The following SH3KBP1 variants were observed in gnomAD, a reference collection of about 807,000 sequenced individuals.
SH3KBP1 encodes SH3 domain-containing kinase-binding protein 1.
In SH3KBP1, 8 loss-of-function variants were observed where a neutral mutation model predicts 50.1. The ratio of observed to expected loss-of-function variants is 0.16; its 90% CI spans 0.09 to 0.29. The LOEUF is 0.29. Ranked by LOEUF, SH3KBP1 falls within the 10% of genes least tolerant of loss-of-function variation. The pLI is 1.00. For synonymous variants in SH3KBP1, 227 were observed against 218.6 expected, an observed-to-expected ratio of 1.04 and a Z score of -0.34; for missense variants, 377 against 535.2, an observed-to-expected ratio of 0.70 and a Z score of 2.92.
chrX:19,732,452 A>G (rs2064408391), intron 3 of SH3KBP1, among the ~76,000 whole-genome samples: 1 of 110,335 alleles, frequency 9.1e-6, no homozygotes, highest in Admixed American at 9.8e-5. Context: ...CTGTATACAC[A>G]GGTTTGGCAT....
At chrX:19,708,825 T>C (rs182471014) in intron 3 of SH3KBP1, among the ~76,000 whole-genome samples, 2 of 111,447 alleles carry the variant, frequency 1.8e-5, no homozygotes, top group African/African-American at 6.5e-5. Context: ...AATCTGAACA[T>C]GAAACAAGTG....
At chrX:19,687,371 G>A (rs930547355) in intron 5 of SH3KBP1, among the ~76,000 whole-genome samples, 7 of 112,373 alleles carry the variant, frequency 6.2e-5, no homozygotes, top group Admixed American at 9.4e-5. Context: ...GCTCATGCAC[G>A]CATATCACAT....
At chrX:19,729,691 C>T (rs2064316811) in intron 3 of SH3KBP1, among the ~76,000 whole-genome samples, 1 of 111,002 alleles carries the variant, frequency 9.0e-6, no homozygotes, top group South Asian at 3.8e-4. Context: ...AGGGCCCACT[C>T]CAGAATGGGA....
At chrX:19,626,361 A>G (rs775681247) in intron 8 of SH3KBP1, among the ~76,000 whole-genome samples, 2 of 107,865 alleles carry the variant, frequency 1.9e-5, no homozygotes, top group African/African-American at 6.9e-5. Context: ...AGCTCCTGGC[A>G]CACCATAAAT....
intron 8 of SH3KBP1, 46 bp downstream of exon 8, chrX:19,631,818 C>G (rs2061584685): frequency 1.1e-6 from 1 of 899,272 alleles, no homozygotes; most frequent in Non-Finnish European, 1.6e-6. Flanking sequence ...AGTCAACACC[C>G]CAAAGCAGTT....
At chrX:19,763,714 A>C (rs773388022) in intron 2 of SH3KBP1, among the ~76,000 whole-genome samples, 1 of 111,982 alleles carries the variant, frequency 8.9e-6, no homozygotes, top group South Asian at 3.7e-4. Flanking sequence ...CTTCCCACTC[A>C]AAGATTATTT....
intron 2 of SH3KBP1, among the ~76,000 whole-genome samples, chrX:19,818,672 T>C (rs770486872): frequency 8.9e-6 from 1 of 112,193 alleles, no homozygotes; most frequent in African/African-American, 3.2e-5. Context: ...TTGATCTGAT[T>C]ATGCGATTTG....
At chrX:19,879,177 C>T (rs757632006) in intron 1 of SH3KBP1, among the ~76,000 whole-genome samples, 1 of 112,224 alleles carries the variant, frequency 8.9e-6, no homozygotes, top group South Asian at 3.7e-4. Context: ...CCTGGGAGGT[C>T]GAGGCTGCAG....
intron 6 of SH3KBP1, among the ~76,000 whole-genome samples, chrX:19,671,509 T>C (rs1361861965): frequency 6.3e-5 from 7 of 111,146 alleles, no homozygotes; most frequent in Admixed American, 9.6e-5. Context: ...TCCTAACAGG[T>C]TGAAATGAAA....
intron 14 of SH3KBP1, among the ~76,000 whole-genome samples, chrX:19,548,825 A>AGAG (rs1555980606): frequency 9.8e-6 from 1 of 102,471 alleles, no homozygotes; most frequent in Admixed American, 1.1e-4. Flanking sequence ...TATGGAAATA[A>AGAG]AGAGAGAGAG....
chrX:19,738,287 C>T (rs993917912), intron 3 of SH3KBP1, among the ~76,000 whole-genome samples: 1 of 111,189 alleles, frequency 9.0e-6, no homozygotes, highest in East Asian at 2.8e-4. Flanking sequence ...TGTCTCTCCC[C>T]GCATCCCTCC....
intron 3 of SH3KBP1, among the ~76,000 whole-genome samples, chrX:19,745,703 A>G (rs2064899218): frequency 8.9e-6 from 1 of 111,936 alleles, no homozygotes; most frequent in African/African-American, 3.3e-5. Flanking sequence ...GCAGTCTTCT[A>G]TTCTCTCTCA....
rs1159583901 is a variant in SH3KBP1, at chrX:19,710,720, A to G, written c.287-3736T>C. Among the ~76,000 whole-genome samples, 3 of 110,995 alleles carry G rather than the reference A, an allele frequency of 2.7e-5. No homozygotes were observed. The Admixed American group carries it at 2.9e-4, about 11-fold the overall frequency. ...GTATATATAGGACTTGGCACTATTC[A>G]TGGTTTCAGGCATCCACTAGGGGTC... On this transcript the variant is annotated intron_variant, in intron 3 of 17. Transcript: ENST00000397821.
intron 8 of SH3KBP1, among the ~76,000 whole-genome samples, chrX:19,623,035 T>A: frequency 1.3e-5 from 1 of 74,975 alleles, no homozygotes; most frequent in Non-Finnish European, 2.3e-5. Context: ...AGAGTGACAC[T>A]CTGACTCAAA....
intron 6 of SH3KBP1, among the ~76,000 whole-genome samples, chrX:19,675,695 C>T (rs184717657): frequency 8.9e-6 from 1 of 111,971 alleles, no homozygotes; most frequent in East Asian, 2.8e-4. Context: ...CCCGGCCAAC[C>T]ACTATACTCT....
chrX:19,766,811 C>T (rs753498582), intron 2 of SH3KBP1, among the ~76,000 whole-genome samples: 2 of 110,750 alleles, frequency 1.8e-5, no homozygotes, highest in Admixed American at 9.6e-5. Flanking sequence ...TTTTGATGTA[C>T]GGAAGTTTTA....
chrX:19,662,426 C>T (rs1602896825), intron 6 of SH3KBP1, among the ~76,000 whole-genome samples: 1 of 112,034 alleles, frequency 8.9e-6, no homozygotes, highest in East Asian at 2.8e-4. Flanking sequence ...TTCATATATG[C>T]TCAAGGATAA....
chrX:19,572,869 A>G (rs1434847814), intron 12 of SH3KBP1, among the ~76,000 whole-genome samples: 1 of 112,035 alleles, frequency 8.9e-6, no homozygotes, highest in Non-Finnish European at 1.9e-5. Context: ...CAGGTTAAAA[A>G]CAACACACAC....
intron 2 of SH3KBP1, among the ~76,000 whole-genome samples, chrX:19,792,252 A>G (rs1265399958): frequency 1.8e-5 from 2 of 112,127 alleles, no homozygotes; most frequent in African/African-American, 6.5e-5. Flanking sequence ...AAAGCTGTTT[A>G]TAACAGCTTT....
Sources: gnomAD v4.1 joint callset for allele counts (sites outside exome capture counted in the v4.1 genomes callset) on GRCh38, gnomAD v4.1.1 for gene constraint, MANE v1.5 for transcripts, NCBI Gene and HGNC (gene_info 2026-07-23, HGNC 2026-07-21) for gene names.